The following ANKRD30B variants were observed in gnomAD, a reference collection of about 807,000 sequenced individuals.
ANKRD30B encodes the protein ankyrin repeat domain-containing protein 30B.
A neutral mutation model predicts 202.2 loss-of-function variants in ANKRD30B; 144 were observed. The ratio of observed to expected loss-of-function variants is 0.71; its 90% CI spans 0.62 to 0.82. ANKRD30B has a LOEUF of 0.82. Ranked by LOEUF, ANKRD30B falls within the 40% of genes least tolerant of loss-of-function variation. ANKRD30B has a pLI of 0.00. For missense variants in ANKRD30B, 1,487 were observed against 1,669.1 expected (o/e 0.89, Z 1.90); for synonymous variants, 508 against 561.3 (o/e 0.91, Z 1.34).
intron 3 of ANKRD30B, among the ~76,000 whole-genome samples, chr18:14,753,512 C>T (rs9963389): frequency 0.087 from 13,187 of 152,120 alleles, 1,455 homozygotes; most frequent in African/African-American, 0.26. Flanking sequence ...ACTGAACTTA[C>T]CTCTTTTGCC....
chr18:14,864,758 TC>T, the ANKRD30B span, among the ~76,000 whole-genome samples: 1 of 151,694 alleles, frequency 6.6e-6, no homozygotes, highest in Admixed American at 6.6e-5. Context: ...ACCCTCTCTT[TC>T]CCCTTCCATC....
chr18:14,914,658 A>G, the ANKRD30B span, among the ~76,000 whole-genome samples: 1 of 152,190 alleles, frequency 6.6e-6, no homozygotes, highest in Non-Finnish European at 1.5e-5. Context: ...GTGAGGGGAA[A>G]TGAGGAAGTA....
chr18:14,892,973 C>G, the ANKRD30B span, among the ~76,000 whole-genome samples: 1 of 151,848 alleles, frequency 6.6e-6, no homozygotes, highest in African/African-American at 2.4e-5. Context: ...AATCTTATCC[C>G]TCCACATATT....
chr18:14,781,966 G>C (rs1286576090), intron 11 of ANKRD30B, among the ~76,000 whole-genome samples: 1 of 152,168 alleles, frequency 6.6e-6, no homozygotes, highest in Non-Finnish European at 1.5e-5. Context: ...TAGCTAGCTA[G>C]GTAAACTACT....
chr18:14,762,704 A>T (rs1278361971), intron 6 of ANKRD30B, among the ~76,000 whole-genome samples: 2 of 152,336 alleles, frequency 1.3e-5, no homozygotes, highest in Non-Finnish European at 2.9e-5. Context: ...AAAAAATTAT[A>T]AAAAAATTAC....
intron 16 of ANKRD30B, among the ~76,000 whole-genome samples, chr18:14,793,760 G>A (rs1033585158): frequency 2.0e-5 from 3 of 151,754 alleles, no homozygotes; most frequent in Non-Finnish European, 2.9e-5. Context: ...CGGGCGTGGC[G>A]GTGGGTGCCT....
the ANKRD30B span, chr18:14,883,872 T>C: frequency 8.6e-6 from 2 of 233,272 alleles, no homozygotes. Context: ...GAATCAAGAA[T>C]GTTTCCACAG....
At chr18:14,789,676 G>T (rs527279081) in intron 15 of ANKRD30B, among the ~76,000 whole-genome samples, 133 of 152,240 alleles carry the variant, frequency 8.7e-4, no homozygotes, top group African/African-American at 3.1e-3. Flanking sequence ...GTTTTTCTCA[G>T]GTTTGTCAAA....
intron 14 of ANKRD30B, among the ~76,000 whole-genome samples, chr18:14,785,885 A>C (rs957616918): frequency 3.3e-5 from 5 of 152,034 alleles, no homozygotes; most frequent in Non-Finnish European, 5.9e-5. Flanking sequence ...AAAAATACAA[A>C]AAATTAGCCG....
the ANKRD30B span, among the ~76,000 whole-genome samples, chr18:14,921,963 A>G: frequency 3.3e-3 from 510 of 152,348 alleles, 3 homozygotes; most frequent in Non-Finnish European, 5.4e-3. Context: ...ATCTATACAC[A>G]CAAACAAAAA....
chr18:14,749,369 G>T (rs114879732), intron 1 of ANKRD30B, among the ~76,000 whole-genome samples: 8,404 of 152,052 alleles, frequency 0.055, 799 homozygotes, highest in African/African-American at 0.19. Flanking sequence ...ATCAAAATGC[G>T]CTATTAATTT....
chr18:14,879,468 G>T, the ANKRD30B span, among the ~76,000 whole-genome samples: 1 of 152,022 alleles, frequency 6.6e-6, no homozygotes, highest in Non-Finnish European at 1.5e-5. Context: ...CAATCCCCTC[G>T]CTGCCGTGCA....
chr18:14,934,185 C>T, the ANKRD30B span, among the ~76,000 whole-genome samples: 14 of 152,348 alleles, frequency 9.2e-5, no homozygotes, highest in Non-Finnish European at 1.8e-4. Flanking sequence ...GGGCTGGCTC[C>T]GCCAGGCTTG....
At chr18:14,911,583 G>A in the ANKRD30B span, among the ~76,000 whole-genome samples, 1 of 148,294 alleles carries the variant, frequency 6.7e-6, no homozygotes, top group South Asian at 2.1e-4. Context: ...TGTTCTTTGT[G>A]CACATGATTG....
At chr18:14,848,214 A>C (rs1330920224) in intron 39 of ANKRD30B, among the ~76,000 whole-genome samples, 1 of 152,074 alleles carries the variant, frequency 6.6e-6, no homozygotes, top group Non-Finnish European at 1.5e-5. Flanking sequence ...TGTCTAAAAA[A>C]TTGTTTAGTG....
At chr18:14,865,983 C>T in the ANKRD30B span, among the ~76,000 whole-genome samples, 2 of 152,122 alleles carry the variant, frequency 1.3e-5, no homozygotes, top group African/African-American at 2.4e-5. Context: ...TAAGAGAAAG[C>T]CCGGAGGCCT....
At position 14,757,833 on chromosome 18, in the gene ANKRD30B, C is replaced by T; in HGVS notation, c.636C>T (p.Ala212=). The change falls in exon 5 of 44, where the codon GCC becomes GCT. Residue 212 remains alanine, a synonymous_variant. Coordinates refer to ENST00000690538, the MANE Select transcript of ANKRD30B (RefSeq NM_001367607.2). ...NESKCTALML[A]ICEGSSEIVG... is the part of the protein sequence containing the mutation. ...ATTTTAGCACAGCCCTCATGCTTGC[C>T]ATATGTGAAGGCTCATCAGAGATAG... 6.2e-7 allele frequency: 1 copy of T among 1,613,478 alleles called. No individual in the cohort carries two copies. Among genetic ancestry groups the T allele is most frequent in the Non-Finnish European group, 8.5e-7 (1 of 1,179,818 alleles).
At chr18:14,821,148 C>A (rs1002054738) in intron 30 of ANKRD30B, among the ~76,000 whole-genome samples, 1 of 152,062 alleles carries the variant, frequency 6.6e-6, no homozygotes, top group South Asian at 2.1e-4. Context: ...AGTTTATTTG[C>A]GTAGAGGTGT....
In ANKRD30B at chr18:14,752,877, C is replaced by G; in HGVS notation, c.375C>G (p.Leu125=). The change falls in exon 3 of 44, where the codon CTC becomes CTG. Residue 125 remains leucine, a synonymous_variant. Coordinates refer to ENST00000690538, the MANE Select transcript of ANKRD30B (RefSeq NM_001367607.2). ...AGAGGGAGGCTTGTGCAAATATTCTCATAGATGCTGGTGCTGATCTAAATT... is the reference window on the plus strand; with the variant it reads ...AGAGGGAGGCTTGTGCAAATATTCTGATAGATGCTGGTGCTGATCTAAATT... ...QCEREACANI[L]IDAGADLNYV... 1.9e-6 allele frequency: 3 copies of G among 1,609,756 alleles called. No individual in the cohort carries two copies. Among genetic ancestry groups the G allele is most frequent in the Non-Finnish European group, 2.5e-6 (3 of 1,177,668 alleles).
Sources: gnomAD v4.1 joint callset for allele counts (sites outside exome capture counted in the v4.1 genomes callset) on GRCh38, gnomAD v4.1.1 for gene constraint, MANE v1.5 for transcripts, NCBI Gene and HGNC (gene_info 2026-07-23, HGNC 2026-07-21) for gene names.